The following MYO18B variants were observed in gnomAD, a reference collection of about 807,000 sequenced individuals.
The protein encoded by MYO18B is unconventional myosin-XVIIIb.
A neutral mutation model predicts 273.0 loss-of-function variants in MYO18B; 204 were observed. The ratio of observed to expected loss-of-function variants is 0.75; its 90% CI spans 0.67 to 0.84. MYO18B has a LOEUF of 0.84. Among genes scored for constraint, MYO18B ranks in the 40% least tolerant of loss-of-function variants. The pLI, the probability that MYO18B is intolerant of heterozygous loss-of-function variation, is 0.00. For synonymous variants in MYO18B, 1,330 were observed against 1,305.7 expected (o/e 1.02, Z -0.40); for missense variants, 3,212 against 3,287.6 (o/e 0.98, Z 0.56).
intron 8 of MYO18B, 120 bp from the exon 9 acceptor site, chr22:25,779,936 G>T (rs2087064134): frequency 7.7e-7 from 1 of 1,303,766 alleles, no homozygotes; most frequent in Admixed American, 2.8e-5. Flanking sequence ...GCCCACCGGG[G>T]GCTGAGGCCA....
At chr22:25,867,970 G>A (rs1372261687) in intron 21 of MYO18B, among the ~76,000 whole-genome samples, 5 of 152,170 alleles carry the variant, frequency 3.3e-5, no homozygotes, top group Non-Finnish European at 7.4e-5. Flanking sequence ...ATACACACAA[G>A]TGGGATGGCC....
chr22:25,829,306 A>C (rs2089615174), intron 15 of MYO18B, among the ~76,000 whole-genome samples: 1 of 151,984 alleles, frequency 6.6e-6, no homozygotes, highest in African/African-American at 2.4e-5. Flanking sequence ...GTCAGTCTGC[A>C]TCTGCCCAGG....
intron 21 of MYO18B, among the ~76,000 whole-genome samples, chr22:25,864,900 G>A (rs568397175): frequency 6.6e-6 from 1 of 152,318 alleles, no homozygotes; most frequent in East Asian, 1.9e-4. Flanking sequence ...CATGGAAGAG[G>A]TGATTCCATA....
chr22:25,903,608 C>T, intron 30 of MYO18B, 23 bp from the exon 31 acceptor site: 1 of 1,581,624 alleles, frequency 6.3e-7, no homozygotes, highest in South Asian at 1.2e-5. Context: ...GACTCCAGAT[C>T]TCTGTCCTCT....
chr22:25,847,095 A>G (rs1464866746), intron 19 of MYO18B, among the ~76,000 whole-genome samples: 2 of 151,780 alleles, frequency 1.3e-5, no homozygotes, highest in African/African-American at 4.8e-5. Flanking sequence ...AAAAAAATAA[A>G]GAAAGAAAGA....
intron 12 of MYO18B, among the ~76,000 whole-genome samples, chr22:25,804,070 AAAAC>A (rs2088349306): frequency 6.6e-6 from 1 of 151,726 alleles, no homozygotes; most frequent in Non-Finnish European, 1.5e-5. Context: ...TGAAAAAAGA[AAAAC>A]AAAAACACGC....
chr22:25,926,735 G>A (rs907068498), intron 34 of MYO18B, among the ~76,000 whole-genome samples: 8 of 152,200 alleles, frequency 5.3e-5, no homozygotes, highest in African/African-American at 1.9e-4. Context: ...AAGAGGAAAT[G>A]TCAAGGTCTC....
intron 12 of MYO18B, among the ~76,000 whole-genome samples, chr22:25,813,628 C>T (rs1466296955): frequency 6.6e-6 from 1 of 152,164 alleles, no homozygotes; most frequent in Non-Finnish European, 1.5e-5. Flanking sequence ...GACACAGTGG[C>T]TTGATTCAGC....
chr22:25,804,310 C>T (rs1569043421), intron 12 of MYO18B, among the ~76,000 whole-genome samples: 3 of 152,220 alleles, frequency 2.0e-5, no homozygotes, highest in Admixed American at 6.5e-5. Context: ...CAAGCTAAGG[C>T]AGCCACAAAG....
intron 34 of MYO18B, among the ~76,000 whole-genome samples, chr22:25,938,558 C>T (rs140091149): frequency 0.01 from 1,558 of 152,294 alleles, 28 homozygotes; most frequent in African/African-American, 0.035. Flanking sequence ...AGGCTGACTG[C>T]TTCCTTGCAG....
At chr22:26,061,191 G>A in the MYO18B span, among the ~76,000 whole-genome samples, 1 of 152,190 alleles carries the variant, frequency 6.6e-6, no homozygotes, top group African/African-American at 2.4e-5. Context: ...GCTTCCTGCT[G>A]TACTGTTCTC....
intron 42 of MYO18B, among the ~76,000 whole-genome samples, chr22:26,011,511 C>A (rs1223983659): frequency 6.6e-6 from 1 of 152,066 alleles, no homozygotes; most frequent in African/African-American, 2.4e-5. Flanking sequence ...TGTTTTCCAC[C>A]AAGGGGGAAG....
At chr22:25,904,067 A>G (rs577297306) in intron 31 of MYO18B, among the ~76,000 whole-genome samples, 1 of 152,248 alleles carries the variant, frequency 6.6e-6, no homozygotes, top group African/African-American at 2.4e-5. Flanking sequence ...CATCTTGCAA[A>G]TAGCTCCCAC....
chr22:25,803,836 A>G (rs1319171407), intron 12 of MYO18B, among the ~76,000 whole-genome samples: 1 of 152,160 alleles, frequency 6.6e-6, no homozygotes, highest in Non-Finnish European at 1.5e-5. Context: ...CATGGTAGAC[A>G]TAAACCAGTC....
chr22:25,812,522 A>G (rs548844149), intron 12 of MYO18B, among the ~76,000 whole-genome samples: 159 of 152,298 alleles, frequency 1.0e-3, no homozygotes, highest in Admixed American at 8.8e-3. Context: ...GCTTTCTTCA[A>G]TTCTTCAAGC....
chr22:25,821,734 G>A (rs2145882721), intron 12 of MYO18B, among the ~76,000 whole-genome samples: 1 of 152,242 alleles, frequency 6.6e-6, no homozygotes, highest in Admixed American at 6.5e-5. Context: ...CTGAGATTGT[G>A]CCACTGCACT....
intron 39 of MYO18B, among the ~76,000 whole-genome samples, chr22:25,976,431 G>T (rs1433795569): frequency 6.6e-6 from 1 of 152,160 alleles, no homozygotes; most frequent in Non-Finnish European, 1.5e-5. Flanking sequence ...GCAATCAATA[G>T]GTGGAACTTT....
intron 39 of MYO18B, among the ~76,000 whole-genome samples, chr22:25,978,094 C>T (rs1383104707): frequency 1.3e-5 from 2 of 152,094 alleles, no homozygotes; most frequent in South Asian, 2.1e-4. Flanking sequence ...GATATAAGGC[C>T]GAGTACAACC....
At chr22:25,940,468 A>C (rs2092631298) in intron 34 of MYO18B, among the ~76,000 whole-genome samples, 1 of 152,190 alleles carries the variant, frequency 6.6e-6, no homozygotes, top group Non-Finnish European at 1.5e-5. Flanking sequence ...GTATGTCTTT[A>C]TTAGTAGTGT....
Sources: gnomAD v4.1 joint callset for allele counts (sites outside exome capture counted in the v4.1 genomes callset) on GRCh38, gnomAD v4.1.1 for gene constraint, MANE v1.5 for transcripts, NCBI Gene and HGNC (gene_info 2026-07-23, HGNC 2026-07-21) for gene names.